The following ANK2 variants were observed in gnomAD, a reference collection of about 807,000 sequenced individuals.
ANK2 encodes the protein ankyrin 2.
ANK2 carries 83 observed loss-of-function variants against 360.5 expected under a neutral mutation model. The observed-to-expected ratio is 0.23, with a 90% confidence interval of 0.19 to 0.28. The LOEUF is 0.28. Among genes scored for constraint, ANK2 ranks in the 10% least tolerant of loss-of-function variants. ANK2 has a pLI of 1.00. For missense variants in ANK2, 4,201 were observed against 4,795.7 expected, an observed-to-expected ratio of 0.88 and a Z score of 3.66; for synonymous variants, 1,740 against 1,759.5, an observed-to-expected ratio of 0.99 and a Z score of 0.28.
the ANK2 span, among the ~76,000 whole-genome samples, chr4:112,741,757 G>C: frequency 6.6e-6 from 1 of 152,112 alleles, no homozygotes; most frequent in Admixed American, 6.5e-5. Context: ...GAAGTGGGAA[G>C]ATTGCTTGGG....
At chr4:112,928,861 T>TG (rs2092878905) in intron 2 of ANK2, among the ~76,000 whole-genome samples, 1 of 151,738 alleles carries the variant, frequency 6.6e-6, no homozygotes, top group Non-Finnish European at 1.5e-5. Context: ...TTAGGTTTTT[T>TG]TTTTTTTTTA....
Position 112,942,745 on chromosome 4 carries a change from T to C in ANK2, c.21+38231T>C, listed in dbSNP as rs747537324. ...GTACACATATCAAATGCTTTTCTTA[T>C]AATTTCGCAAATAAGTAAGTTTTAT... On this transcript the variant is annotated intron_variant, in intron 2 of 30. Coordinates refer to the ANK2 transcript ENST00000503271. Among the ~76,000 whole-genome samples, 15 of 152,014 alleles carry C rather than the reference T, an allele frequency of 9.9e-5. 1 individual carries two copies. Among genetic ancestry groups the C allele is most frequent in the Non-Finnish European group, 2.1e-4 (14 of 67,914 alleles).
chr4:112,950,805 G>A (rs910054870), intron 2 of ANK2, among the ~76,000 whole-genome samples: 1 of 150,298 alleles, frequency 6.7e-6, no homozygotes, highest in Non-Finnish European at 1.5e-5. Flanking sequence ...TGCCTCGGCC[G>A]GGCGCGGTGG....
chr4:113,149,874 C>CAAAAAAAAAAAAAAAAAA lies in ANK2; in HGVS notation c.85-24533_85-24516dup, dbSNP rs34667216. On this transcript the variant is annotated intron_variant, in intron 1 of 45. Transcript: ENST00000357077. The stretch of plus-strand genomic sequence containing the variant: ...CTTGCGTGAGAGTGAGACCCTGCCT[C>CAAAAAAAAAAAAAAAAAA]AAAAAAAAAAAAAAAAAAAAAAAAA... Among the ~76,000 whole-genome samples the CAAAAAAAAAAAAAAAAAA allele has an allele frequency of 1.1e-3, 33 of 31,404 alleles. 1 individual carries two copies. Among genetic ancestry groups the CAAAAAAAAAAAAAAAAAA allele is most frequent in the African/African-American group, 2.8e-3 (22 of 7,794 alleles). The allele number at this position is 31,404 out of a possible 152,430, so 20.6% of individuals were successfully genotyped here.
chr4:113,018,175 C>T (rs907320089), intron 2 of ANK2, among the ~76,000 whole-genome samples: 7 of 152,136 alleles, frequency 4.6e-5, no homozygotes, highest in African/African-American at 1.4e-4. Context: ...GTTCTGTAGC[C>T]GGAGGCAACT....
chr4:113,065,567 G>A (rs549909937), intron 1 of ANK2, among the ~76,000 whole-genome samples: 28 of 152,274 alleles, frequency 1.8e-4, no homozygotes, highest in African/African-American at 5.8e-4. Context: ...TGGCAGACAC[G>A]GGCCTAGAAC....
intron 2 of ANK2, among the ~76,000 whole-genome samples, chr4:112,992,390 C>G (rs1476961038): frequency 6.6e-6 from 1 of 152,124 alleles, no homozygotes; most frequent in Non-Finnish European, 1.5e-5. Flanking sequence ...GTGATCCACC[C>G]TCCTTGGCCT....
intron 2 of ANK2, among the ~76,000 whole-genome samples, chr4:113,035,197 G>A (rs1481692946): frequency 6.6e-6 from 1 of 151,610 alleles, no homozygotes; most frequent in Non-Finnish European, 1.5e-5. Context: ...GCTGCAGGTG[G>A]GTTGGGAAGG....
At chr4:113,341,622 A>T (rs2094311280) in intron 32 of ANK2, 66 bp from the exon 33 acceptor site, 1 of 1,519,320 alleles carries the variant, frequency 6.6e-7, no homozygotes. Flanking sequence ...ATATTGAAGG[A>T]ACTGATTTTA....
Position 113,308,527 on chromosome 4 carries a change from T to C in ANK2, c.2549-2728T>C, listed in dbSNP as rs373316803. ...AAAAGGCAGATGGAAAATATCAACA[T>C]TTAAGAGAAGTAGAGACAGGGAAGA... On this transcript the variant is annotated intron_variant, in intron 23 of 45. Coordinates refer to ENST00000357077, the MANE Select transcript of ANK2 (RefSeq NM_001148.6). Among the ~76,000 whole-genome samples the C allele has an allele frequency of 2.0e-5, 3 of 152,218 alleles. No homozygotes were observed. The East Asian group carries it at 5.8e-4, about 29-fold the overall frequency.
intron 1 of ANK2, among the ~76,000 whole-genome samples, chr4:113,076,968 T>A (rs1240527227): frequency 2.0e-5 from 3 of 151,820 alleles, no homozygotes. Context: ...GATGTTTTCT[T>A]AGCTACTTAC....
intron 1 of ANK2, among the ~76,000 whole-genome samples, chr4:113,164,656 A>G (rs1361941917): frequency 1.3e-5 from 2 of 152,208 alleles, no homozygotes; most frequent in African/African-American, 4.8e-5. Flanking sequence ...TTAACACTAT[A>G]AGATGCGGAT....
intron 2 of ANK2, among the ~76,000 whole-genome samples, chr4:112,935,120 AGT>A (rs10601105): frequency 0.32 from 47,129 of 148,248 alleles, 9,727 homozygotes; most frequent in African/African-American, 0.6. Flanking sequence ...AGTCAGAGAA[AGT>A]GTGTGTGTGT....
At chr4:112,883,018 C>CTTTTTTTTTTTTTTTTTTTTTTT (rs536262490) in intron 1 of ANK2, among the ~76,000 whole-genome samples, 1 of 30,524 alleles carries the variant, frequency 3.3e-5, no homozygotes, top group Non-Finnish European at 6.4e-5. Context: ...CTTGGTTAGT[C>CTTTTTTTTTTTTTTTTTTTTTTT]TTTTTTTTTT....
chr4:113,293,682 A>G (rs1055092993), intron 22 of ANK2, 144 bp downstream of exon 22: 8 of 784,622 alleles, frequency 1.0e-5, no homozygotes, highest in Admixed American at 4.0e-5. Flanking sequence ...GCACATACAT[A>G]GGCGTATGCA....
the ANK2 span, among the ~76,000 whole-genome samples, chr4:112,768,038 A>G: frequency 1.1e-4 from 17 of 152,210 alleles, no homozygotes; most frequent in Non-Finnish European, 2.2e-4. Flanking sequence ...AAGAAGAAGA[A>G]ATATAGGAAG....
chr4:113,340,385 G>C (rs1213762462), intron 32 of ANK2, among the ~76,000 whole-genome samples: 11 of 152,134 alleles, frequency 7.2e-5, no homozygotes, highest in Non-Finnish European at 2.9e-5. Flanking sequence ...TATCCATGTA[G>C]TCTATAATTC....
At chr4:112,801,538 C>T in the ANK2 span, among the ~76,000 whole-genome samples, 1 of 151,988 alleles carries the variant, frequency 6.6e-6, no homozygotes, top group East Asian at 1.9e-4. Context: ...AAAAAGAGAC[C>T]CCTAACTTAG....
chr4:112,746,581 G>T, the ANK2 span, among the ~76,000 whole-genome samples: 1 of 151,204 alleles, frequency 6.6e-6, no homozygotes, highest in Non-Finnish European at 1.5e-5. Context: ...ATAATTTTCT[G>T]GATAAAGGAA....
Sources: gnomAD v4.1 joint callset for allele counts (sites outside exome capture counted in the v4.1 genomes callset) on GRCh38, gnomAD v4.1.1 for gene constraint, MANE v1.5 for transcripts, NCBI Gene and HGNC (gene_info 2026-07-23, HGNC 2026-07-21) for gene names.